Variants in CAMK2D observed in about 807,000 individuals in gnomAD.
CAMK2D encodes calcium/calmodulin-dependent protein kinase type II subunit delta.
CAMK2D carries 37 observed loss-of-function variants against 84.0 expected under a neutral mutation model. That is an observed-to-expected ratio of 0.44 (90% CI 0.34 to 0.58). CAMK2D has a LOEUF of 0.58. Among genes scored for constraint, CAMK2D ranks in the 20% least tolerant of loss-of-function variants. The pLI is 0.02. For missense variants in CAMK2D, 448 were observed against 652.5 expected (o/e 0.69, Z 3.41); for synonymous variants, 202 against 212.5 (o/e 0.95, Z 0.43).
At chr4:113,670,522 T>C (rs1436156044) in intron 2 of CAMK2D, among the ~76,000 whole-genome samples, 1 of 152,014 alleles carries the variant, frequency 6.6e-6, no homozygotes, top group African/African-American at 2.4e-5. Flanking sequence ...ACTGATGAGA[T>C]AAATTTTGTA....
intron 6 of CAMK2D, among the ~76,000 whole-genome samples, chr4:113,545,314 A>T (rs1019435240): frequency 6.6e-6 from 1 of 152,192 alleles, no homozygotes; most frequent in Admixed American, 6.5e-5. Context: ...CATGATAAAC[A>T]TGACATTTCC....
At chr4:113,547,238 C>T (rs2098585108) in intron 6 of CAMK2D, among the ~76,000 whole-genome samples, 1 of 152,152 alleles carries the variant, frequency 6.6e-6, no homozygotes, top group South Asian at 2.1e-4. Flanking sequence ...TTTATCTCTA[C>T]ACACTTTATA....
At chr4:113,463,490 C>T (rs1589711801) in intron 17 of CAMK2D, among the ~76,000 whole-genome samples, 1 of 152,294 alleles carries the variant, frequency 6.6e-6, no homozygotes, top group East Asian at 1.9e-4. Context: ...GATTCTCCTG[C>T]CTCAGCCTCC....
chr4:113,550,161 A>T (rs1482646057), intron 5 of CAMK2D, among the ~76,000 whole-genome samples: 1 of 152,126 alleles, frequency 6.6e-6, no homozygotes, highest in African/African-American at 2.4e-5. Flanking sequence ...CTAGTAAAAA[A>T]TTTTTACAAT....
intron 4 of CAMK2D, among the ~76,000 whole-genome samples, chr4:113,605,305 G>C (rs1042814787): frequency 6.6e-6 from 1 of 152,192 alleles, no homozygotes; most frequent in African/African-American, 2.4e-5. Context: ...GGGTATAAAA[G>C]CCTGAGCCTA....
Position 113,596,962 on chromosome 4 carries a change from G to A in CAMK2D, c.275+12190C>T, listed in dbSNP as rs117441870. On this transcript the variant is annotated intron_variant, in intron 4 of 20. Coordinates refer to ENST00000511664, the MANE Select transcript of CAMK2D (RefSeq NM_001321571.2). ...AGCCTCCTGAGTAGCTGGCATTACA[G>A]GTGCTCACCACCAGGCTGGCTAATT... Among the ~76,000 whole-genome samples the A allele has an allele frequency of 7.1e-3, 1,080 of 152,082 alleles. 33 individuals are homozygous for A. The East Asian group carries it at 0.12, about 16-fold the overall frequency.
intron 7 of CAMK2D, among the ~76,000 whole-genome samples, chr4:113,532,473 G>A (rs1478283171): frequency 2.0e-5 from 3 of 152,178 alleles, no homozygotes; most frequent in Non-Finnish European, 2.9e-5. Flanking sequence ...GAGAATTACT[G>A]AGCAATAATG....
chr4:113,756,803 G>C (rs1594223719), intron 2 of CAMK2D, among the ~76,000 whole-genome samples: 2 of 151,970 alleles, frequency 1.3e-5, no homozygotes, highest in East Asian at 3.9e-4. Context: ...AAAAATGAAA[G>C]CATGGTATTT....
chr4:113,518,103 T>C (rs1379678541), intron 8 of CAMK2D, among the ~76,000 whole-genome samples: 1 of 152,198 alleles, frequency 6.6e-6, no homozygotes, highest in Non-Finnish European at 1.5e-5. Flanking sequence ...AGTGATGGTG[T>C]CCTGGTTATA....
At chr4:113,658,740 A>G (rs1230620750) in intron 3 of CAMK2D, among the ~76,000 whole-genome samples, 1 of 152,182 alleles carries the variant, frequency 6.6e-6, no homozygotes, top group Non-Finnish European at 1.5e-5. Flanking sequence ...TGAATTTGCC[A>G]GTGTTACAAT....
intron 3 of CAMK2D, among the ~76,000 whole-genome samples, chr4:113,625,004 C>T (rs2099061566): frequency 6.6e-6 from 1 of 152,218 alleles, no homozygotes; most frequent in Non-Finnish European, 1.5e-5. Context: ...GTCTTCTCTT[C>T]TTTCTGACCA....
At chr4:113,691,135 C>CA (rs2099385873) in intron 2 of CAMK2D, among the ~76,000 whole-genome samples, 1 of 152,006 alleles carries the variant, frequency 6.6e-6, no homozygotes, top group Non-Finnish European at 1.5e-5. Context: ...ATCACTGTCA[C>CA]AAAAAAGATA....
At chr4:113,511,632 A>G (rs1335905746) in intron 12 of CAMK2D, among the ~76,000 whole-genome samples, 1 of 152,212 alleles carries the variant, frequency 6.6e-6, no homozygotes, top group Non-Finnish European at 1.5e-5. Context: ...AATATCATAT[A>G]TATGAATTAA....
intron 7 of CAMK2D, among the ~76,000 whole-genome samples, chr4:113,537,025 TA>T (rs1301278832): frequency 1.3e-5 from 2 of 152,126 alleles, no homozygotes; most frequent in African/African-American, 4.8e-5. Flanking sequence ...TTCTTTCAAA[TA>T]AAAAAAGTAC....
intron 3 of CAMK2D, among the ~76,000 whole-genome samples, chr4:113,613,928 G>A (rs1019673945): frequency 6.6e-6 from 1 of 151,970 alleles, no homozygotes; most frequent in Non-Finnish European, 1.5e-5. Flanking sequence ...GGAAATGAAT[G>A]GGCAAGGGAG....
At chr4:113,487,250 C>T (rs2097774435) in intron 16 of CAMK2D, among the ~76,000 whole-genome samples, 1 of 152,022 alleles carries the variant, frequency 6.6e-6, no homozygotes, top group African/African-American at 2.4e-5. Flanking sequence ...ATACTTTAGA[C>T]CTAATTCCTC....
intron 2 of CAMK2D, among the ~76,000 whole-genome samples, chr4:113,663,403 T>C (rs1430834293): frequency 6.6e-6 from 1 of 151,890 alleles, no homozygotes; most frequent in Admixed American, 6.6e-5. Context: ...CTGGCCAACA[T>C]GGCAAAATCT....
intron 4 of CAMK2D, among the ~76,000 whole-genome samples, chr4:113,608,644 G>A (rs1253637606): frequency 6.6e-6 from 1 of 152,110 alleles, no homozygotes; most frequent in Non-Finnish European, 1.5e-5. Flanking sequence ...AACCATATGT[G>A]TGGCCTGTTT....
At chr4:113,653,505 T>C (rs2099184758) in intron 3 of CAMK2D, among the ~76,000 whole-genome samples, 1 of 152,070 alleles carries the variant, frequency 6.6e-6, no homozygotes, top group South Asian at 2.1e-4. Flanking sequence ...TACTCTAATT[T>C]TTAGGCAGAA....
Sources: gnomAD v4.1 joint callset for allele counts (sites outside exome capture counted in the v4.1 genomes callset) on GRCh38, gnomAD v4.1.1 for gene constraint, MANE v1.5 for transcripts, NCBI Gene and HGNC (gene_info 2026-07-23, HGNC 2026-07-21) for gene names.